The following COMMD1 variants were observed in gnomAD, a reference collection of about 807,000 sequenced individuals.
COMMD1 encodes the protein COMM domain-containing protein 1.
Under a neutral mutation model 17.2 loss-of-function variants are expected in COMMD1, and 10 were observed. That is an observed-to-expected ratio of 0.58 (90% CI 0.36 to 0.99). The LOEUF (loss-of-function observed/expected upper bound fraction) is 0.99. Ranked by LOEUF, COMMD1 falls within the 50% of genes least tolerant of loss-of-function variation. COMMD1 has a pLI of 0.01. For synonymous variants in COMMD1, 97 were observed against 91.6 expected (o/e 1.06, Z -0.34); for missense variants, 270 against 231.8 (o/e 1.17, Z -1.07).
intron 2 of COMMD1, among the ~76,000 whole-genome samples, chr2:62,087,306 G>C (rs554482655): frequency 6.6e-6 from 1 of 152,286 alleles, no homozygotes; most frequent in South Asian, 2.1e-4. Flanking sequence ...GCTGCTTCAG[G>C]ATTTATCAAA....
intron 2 of COMMD1, among the ~76,000 whole-genome samples, chr2:62,037,825 A>G (rs1271571532): frequency 1.3e-5 from 2 of 152,260 alleles, no homozygotes; most frequent in Admixed American, 1.3e-4. Context: ...CCACTGGATT[A>G]GTAGAAAGAT....
chr2:62,047,343 C>CTG lies in COMMD1; in HGVS notation c.462+46362_462+46363insGT, dbSNP rs1670409444. 3.3e-5 allele frequency among the ~76,000 whole-genome samples: 5 copies of CTG among 152,158 alleles called. No homozygotes were observed. In the South Asian group the frequency reaches 1.0e-3, roughly 31 times the overall value. ...TCTAAGTGTAGAATATTTATAAATTCTACAGTAGTATACAGTAATGTCCTA... is the reference window on the plus strand; with the variant it reads ...TCTAAGTGTAGAATATTTATAAATTCTGTACAGTAGTATACAGTAATGTCCTA... On this transcript the variant is annotated intron_variant, in intron 2 of 2. Transcript: ENST00000311832.
At chr2:61,917,068 T>C (rs1670069534) in intron 1 of COMMD1, among the ~76,000 whole-genome samples, 1 of 152,056 alleles carries the variant, frequency 6.6e-6, no homozygotes, top group Admixed American at 6.6e-5. Context: ...AGAAGTGCAT[T>C]TGGGGCCGGA....
chr2:62,086,493 T>A (rs770077904), intron 2 of COMMD1, among the ~76,000 whole-genome samples: 3 of 148,178 alleles, frequency 2.0e-5, no homozygotes, highest in Non-Finnish European at 1.5e-5. Flanking sequence ...CCTGTATGAC[T>A]GAGCAAGACT....
chr2:62,125,152 G>A (rs1266849176), intron 2 of COMMD1, among the ~76,000 whole-genome samples: 7 of 152,212 alleles, frequency 4.6e-5, no homozygotes. Context: ...CACTAATACT[G>A]TAATACTTAG....
intron 2 of COMMD1, among the ~76,000 whole-genome samples, chr2:62,126,586 C>T (rs1672894007): frequency 6.6e-6 from 1 of 152,198 alleles, no homozygotes; most frequent in Admixed American, 6.5e-5. Flanking sequence ...AGTGTCTGTT[C>T]ATGTCCTTTG....
intron 2 of COMMD1, among the ~76,000 whole-genome samples, chr2:62,019,195 T>C (rs1669545016): frequency 6.7e-6 from 1 of 149,624 alleles, no homozygotes; most frequent in African/African-American, 2.5e-5. Flanking sequence ...TTCTTTTTGA[T>C]GGAGTTTCAC....
At chr2:62,085,562 G>A (rs141230086) in intron 2 of COMMD1, among the ~76,000 whole-genome samples, 1 of 152,268 alleles carries the variant, frequency 6.6e-6, no homozygotes, top group African/African-American at 2.4e-5. Context: ...ACATGGCTGG[G>A]CATGGTGGCT....
intron 2 of COMMD1, among the ~76,000 whole-genome samples, chr2:62,002,491 GAAAAAAAAAAAAAAAAAAAAA>G (rs11310507): frequency 2.9e-4 from 10 of 35,074 alleles, no homozygotes; most frequent in African/African-American, 9.6e-4. Context: ...GATTCCACCA[GAAAAAAAAAAAAAAAAAAAAA>G]AAAAAAAAAA....
chr2:62,134,875 G>T (rs572871122), intron 2 of COMMD1, among the ~76,000 whole-genome samples: 4 of 152,140 alleles, frequency 2.6e-5, no homozygotes, highest in African/African-American at 9.7e-5. Flanking sequence ...AGGAGGGTTG[G>T]CTTGCAGCAA....
At chr2:62,043,708 T>C (rs1670299970) in intron 2 of COMMD1, among the ~76,000 whole-genome samples, 1 of 152,316 alleles carries the variant, frequency 6.6e-6, no homozygotes, top group African/African-American at 2.4e-5. Flanking sequence ...AGAAGAATAT[T>C]AATGATGAAT....
chr2:62,056,490 C>T (rs1670704568), intron 2 of COMMD1, among the ~76,000 whole-genome samples: 2 of 152,178 alleles, frequency 1.3e-5, no homozygotes, highest in Non-Finnish European at 2.9e-5. Context: ...ACATATTCAA[C>T]CTGTTCAGCG....
chr2:62,050,832 CT>C (rs970569530), intron 2 of COMMD1, among the ~76,000 whole-genome samples: 14 of 151,782 alleles, frequency 9.2e-5, no homozygotes, highest in Middle Eastern at 3.4e-3. Context: ...AGAACATGAA[CT>C]TTTTTTTTCT....
intron 2 of COMMD1, among the ~76,000 whole-genome samples, chr2:62,106,204 A>G (rs1355173697): frequency 6.6e-6 from 1 of 152,232 alleles, no homozygotes; most frequent in Non-Finnish European, 1.5e-5. Context: ...AATTCTTTAT[A>G]TATGGCACTT....
intron 1 of COMMD1, among the ~76,000 whole-genome samples, chr2:61,893,805 C>T (rs1281570119): frequency 6.8e-6 from 1 of 146,982 alleles, no homozygotes; most frequent in Non-Finnish European, 1.5e-5. Context: ...CAAGAACCTC[C>T]ATCTCAAAAA....
chr2:62,059,952 A>G (rs939393808), intron 2 of COMMD1, among the ~76,000 whole-genome samples: 8 of 147,282 alleles, frequency 5.4e-5, no homozygotes, highest in East Asian at 2.0e-4. Context: ...TTGGGGGGGG[A>G]ATTCCATTTT....
chr2:61,951,025 G>A (rs544049157), intron 1 of COMMD1, among the ~76,000 whole-genome samples: 1 of 152,226 alleles, frequency 6.6e-6, no homozygotes, highest in Non-Finnish European at 1.5e-5. Context: ...ATTGGAAGGT[G>A]TAGATGGTTC....
chr2:61,937,009 G>T (rs1670622262), intron 1 of COMMD1, among the ~76,000 whole-genome samples: 1 of 152,154 alleles, frequency 6.6e-6, no homozygotes, highest in South Asian at 2.1e-4. Flanking sequence ...CGAAGTGGGG[G>T]CTTCCAGGTC....
chr2:62,113,939 G>A (rs1672522511), intron 2 of COMMD1, among the ~76,000 whole-genome samples: 1 of 152,144 alleles, frequency 6.6e-6, no homozygotes, highest in African/African-American at 2.4e-5. Flanking sequence ...TCTCTTTTCA[G>A]ATGGCAAATG....
Sources: gnomAD v4.1 joint callset for allele counts (sites outside exome capture counted in the v4.1 genomes callset) on GRCh38, gnomAD v4.1.1 for gene constraint, MANE v1.5 for transcripts, NCBI Gene and HGNC (gene_info 2026-07-23, HGNC 2026-07-21) for gene names.